The following WNK1 variants were observed in gnomAD, a reference collection of about 807,000 sequenced individuals.
WNK1 encodes serine/threonine-protein kinase WNK1.
WNK1 carries 38 observed loss-of-function variants against 222.8 expected under a neutral mutation model. That is an observed-to-expected ratio of 0.17 (90% CI 0.13 to 0.22). The LOEUF (loss-of-function observed/expected upper bound fraction) is 0.22. Among genes scored for constraint, WNK1 ranks in the 10% least tolerant of loss-of-function variants. The pLI is 1.00. For missense variants in WNK1, 2,348 were observed against 2,918.4 expected, an observed-to-expected ratio of 0.80 and a Z score of 4.50; for synonymous variants, 1,090 against 1,092.9, an observed-to-expected ratio of 1.00 and a Z score of 0.05.
intron 3 of WNK1, among the ~76,000 whole-genome samples, chr12:828,445 C>G (rs12307697): frequency 2.0e-5 from 3 of 152,132 alleles, no homozygotes; most frequent in African/African-American, 7.2e-5. Flanking sequence ...AAGAGTGTTT[C>G]TCAACCTCAA....
At chr12:851,316 G>A (rs989443807) in intron 4 of WNK1, 11 of 972,294 alleles carry the variant, frequency 1.1e-5, no homozygotes, top group Non-Finnish European at 1.3e-5. Flanking sequence ...AGTGTACATA[G>A]AGTTAAGCAT....
At chr12:798,849 T>A (rs1350611244) in intron 1 of WNK1, among the ~76,000 whole-genome samples, 4 of 152,188 alleles carry the variant, frequency 2.6e-5, no homozygotes, top group African/African-American at 4.8e-5. Flanking sequence ...CCTAGATATT[T>A]TTTTGGTTTT....
chr12:828,290 A>G (rs1260804558), intron 3 of WNK1, among the ~76,000 whole-genome samples: 1 of 152,146 alleles, frequency 6.6e-6, no homozygotes, highest in Admixed American at 6.5e-5. Context: ...TGGGCAACAG[A>G]GCAAGACTCC....
chr12:886,146 TA>T, intron 19 of WNK1, 62 bp downstream of exon 19: 1 of 1,387,004 alleles, frequency 7.2e-7, no homozygotes, highest in East Asian at 2.5e-5. Context: ...CCCTAATGAG[TA>T]CATTTTTCAC....
Position 882,968 on chromosome 12 carries a change from T to C in WNK1, c.3398T>C (p.Val1133Ala). The change falls in exon 15 of 28, where the codon GTA (valine) becomes GCA (alanine). Residue 1133 changes from valine (V) to alanine (A), a missense_variant. Coordinates refer to ENST00000315939, the MANE Select transcript of WNK1 (RefSeq NM_018979.4). Reference protein sequence around the residue: ...LNVSNKGDRVVECQLETHNRK... With the variant: ...LNVSNKGDRVAECQLETHNRK... ...GTTTCAAATAAAGGAGACCGAGTAG[T>C]AGAATGTCAATTAGAGACTCATAAT... 6.2e-7 allele frequency: 1 copy of C among 1,613,044 alleles called. No homozygotes were observed. Among genetic ancestry groups the C allele is most frequent in the South Asian group, 1.1e-5 (1 of 91,060 alleles).
intron 4 of WNK1, among the ~76,000 whole-genome samples, chr12:838,158 G>A (rs1490936519): frequency 6.6e-6 from 1 of 151,614 alleles, no homozygotes; most frequent in Admixed American, 6.6e-5. Flanking sequence ...TAGACATTTG[G>A]ACTGTTCCTA....
At chr12:860,252 A>G (rs138553940) in intron 6 of WNK1, among the ~76,000 whole-genome samples, 59 of 152,322 alleles carry the variant, frequency 3.9e-4, no homozygotes, top group Middle Eastern at 3.4e-3. Context: ...ACATAGGACC[A>G]TGAATTGTTT....
In WNK1 at chr12:896,177, G is replaced by A; in HGVS notation, c.5690G>A (p.Ser1897Asn). Residue 1897 changes from serine to asparagine, a missense_variant, in exon 24 of 28, where the codon AGT (serine) becomes AAT (asparagine). Around this residue, in one of 13 missense-constraint regions of WNK1, gnomAD observed 1,144 missense variants for 1,273.6 expected, o/e 0.90. Transcript: ENST00000315939. ...SSTSESSVLS[S>N]SSPESTLVKP... ...ACCTCAGAGTCCTCAGTGCTATCAA[G>A]TAGTAGTCCAGAGAGTACCTTGGTG... 1 of 1,614,168 alleles carries A rather than the reference G, an allele frequency of 6.2e-7. No homozygotes were observed. Among genetic ancestry groups the A allele is most frequent in the Non-Finnish European group, 8.5e-7 (1 of 1,180,030 alleles).
In WNK1 at chr12:754,367, A is replaced by G. The variant is rs1939644483; in HGVS notation, c.759+43A>G. ...TTATTTGACGGTCCTTTGGATCCCA[A>G]ATTTGGCTCGGCGAAGCCAGTTGAT... is the stretch of plus-strand genomic sequence containing the variant. On this transcript the variant is annotated intron_variant, in intron 1 of 27. Transcript: ENST00000315939. 7.4e-6 allele frequency: 12 copies of G among 1,612,374 alleles called. No individual in the cohort carries two copies. The Admixed American group carries it at 1.3e-4, about 18-fold the overall frequency.
At chr12:783,496 A>AC (rs948923708) in intron 1 of WNK1, among the ~76,000 whole-genome samples, 1 of 147,514 alleles carries the variant, frequency 6.8e-6, no homozygotes, top group Non-Finnish European at 1.5e-5. Flanking sequence ...CCACCAAAAA[A>AC]AAAACAAAAC....
chr12:907,721 C>A (rs1434293469), intron 26 of WNK1, 126 bp from the exon 27 acceptor site: 2 of 1,169,472 alleles, frequency 1.7e-6, no homozygotes, highest in African/African-American at 1.5e-5. Flanking sequence ...TTCCCTCTTG[C>A]ATGGCTTCCC....
At chr12:785,883 G>T (rs116650667) in intron 1 of WNK1, among the ~76,000 whole-genome samples, 1 of 152,050 alleles carries the variant, frequency 6.6e-6, no homozygotes, top group Non-Finnish European at 1.5e-5. Flanking sequence ...AAATAAATGC[G>T]GTTTGCTGAT....
rs1956043263 is a variant in WNK1, at chr12:911,011, C to A, written c.*2219C>A. 3.5e-6 allele frequency: 1 copy of A among 287,396 alleles called. No individual in the cohort carries two copies. The highest frequency in any genetic ancestry group is 6.3e-6 in the Non-Finnish European group (1 of 157,508). The allele number at this position is 287,396 out of a possible 1,614,324, so 17.8% of individuals were successfully genotyped here. A position where few individuals can be genotyped will look rare whatever the true frequency, so the allele number is the denominator to read the frequency against. On this transcript the variant is annotated 3_prime_UTR_variant, in exon 28 of 28. Transcript: ENST00000315939. ...TTATACCAGAGGAGCAGTGGAGCCT[C>A]ATGCAGCACATTATCATTTGTTATT...
chr12:824,675 A>AAG (rs10699882), intron 2 of WNK1, among the ~76,000 whole-genome samples: 71 of 151,432 alleles, frequency 4.7e-4, no homozygotes, highest in African/African-American at 1.6e-3. Flanking sequence ...AGTTAAAAAA[A>AAG]AGAGAGAAGT....
Position 888,676 on chromosome 12 carries a change from T to C in WNK1, c.5365-464T>C, listed in dbSNP as rs116617057. On this transcript the variant is annotated intron_variant, in intron 20 of 27. Transcript: ENST00000315939. ...ATACATGTAAGAAAGAGGAAAATAA[T>C]ACCCTGTGATAGTGACAGAATATGT... is the stretch of plus-strand genomic sequence containing the variant. Among the ~76,000 whole-genome samples, 879 of 152,262 alleles carry C rather than the reference T, an allele frequency of 5.8e-3. 8 individuals carry two copies. The highest frequency in any genetic ancestry group is 0.02 in the African/African-American group (837 of 41,564).
intron 4 of WNK1, among the ~76,000 whole-genome samples, chr12:845,888 C>T (rs1203639921): frequency 2.6e-5 from 4 of 152,082 alleles, no homozygotes; most frequent in African/African-American, 7.2e-5. Flanking sequence ...GTAATCTTGT[C>T]GATCACCTTG....
rs765684170 is a variant in WNK1 at position 868,174 on chromosome 12, ACAGGTCCATCCTATGTTTGAACCATCT to A, written c.2140-3088_2140-3062del. ...GAGTAACTGGAGAGTCATGTGAGAT[ACAGGTCCATCCTATGTTTGAACCATCT>A]CAAGTTTACAGTGACTATAGACCTG... On this transcript the variant is annotated intron_variant, in intron 8 of 27. Transcript: ENST00000315939. The A allele has an allele frequency of 6.2e-6, 10 of 1,613,922 alleles. No individual in the cohort carries two copies. Among genetic ancestry groups the A allele is most frequent in the Non-Finnish European group, 8.5e-6 (10 of 1,179,890 alleles).
chr12:882,079 T>C lies in WNK1; in HGVS notation c.3372+6T>C. On this transcript the variant is annotated splice_donor_region_variant and intron_variant, in intron 14 of 27. Coordinates refer to ENST00000315939, the MANE Select transcript of WNK1 (RefSeq NM_018979.4). ...CAAAATTAAGAATTTTGAATGTAAG[T>C]ATTCCTAATTTGTGAGTTTCATGTT... The C allele has an allele frequency of 6.2e-7, 1 of 1,605,142 alleles. No individual in the cohort carries two copies.
intron 4 of WNK1, among the ~76,000 whole-genome samples, chr12:850,822 A>G (rs189513638): frequency 6.8e-4 from 104 of 152,286 alleles, no homozygotes; most frequent in Middle Eastern, 3.4e-3. Context: ...TTTATTAGAT[A>G]GGGAATCCTT....
Sources: allele counts gnomAD v4.1 joint callset (sites outside exome capture counted in the v4.1 genomes callset), GRCh38; gene constraint gnomAD v4.1.1; regional missense constraint gnomAD v4.1.1; transcripts MANE v1.5; gene names NCBI Gene and HGNC (gene_info 2026-07-23, HGNC 2026-07-21).